The following RALGPS2 variants were observed in gnomAD, a reference collection of about 807,000 sequenced individuals.
RALGPS2 encodes the protein Ral GEF with PH domain and SH3 binding motif 2.
RALGPS2 carries 43 observed loss-of-function variants against 86.8 expected under a neutral mutation model. That is an observed-to-expected ratio of 0.50 (90% CI 0.39 to 0.64). RALGPS2 has a LOEUF of 0.64. Ranked by LOEUF, RALGPS2 falls within the 30% of genes least tolerant of loss-of-function variation. The probability of loss-of-function intolerance (pLI) is 0.00; values close to 1 mark genes in which losing one functional copy is unlikely to be tolerated. For synonymous variants in RALGPS2, 243 were observed against 231.3 expected, an observed-to-expected ratio of 1.05 and a Z score of -0.46; for missense variants, 536 against 694.6, an observed-to-expected ratio of 0.77 and a Z score of 2.57.
chr1:178,796,750 T>C (rs1654210197), intron 4 of RALGPS2, among the ~76,000 whole-genome samples: 2 of 152,166 alleles, frequency 1.3e-5, no homozygotes, highest in African/African-American at 4.8e-5. Flanking sequence ...CTTCTGTGAA[T>C]TCAGTAATTC....
intron 1 of RALGPS2, chr1:178,746,645 C>A: frequency 3.9e-6 from 3 of 763,742 alleles, no homozygotes; most frequent in Non-Finnish European, 7.3e-6. Context: ...TCAATGGTTC[C>A]AAATTTATAG....
intron 18 of RALGPS2, among the ~76,000 whole-genome samples, chr1:178,906,103 G>GCA (rs1398085502): frequency 6.6e-6 from 1 of 152,028 alleles, no homozygotes; most frequent in African/African-American, 2.4e-5. Context: ...CCAGGTGTGG[G>GCA]GGCTCATGCC....
At chr1:178,810,073 C>T (rs1654904012) in intron 5 of RALGPS2, among the ~76,000 whole-genome samples, 1 of 151,382 alleles carries the variant, frequency 6.6e-6, no homozygotes, top group African/African-American at 2.4e-5. Flanking sequence ...ATACTAAGAC[C>T]TTGTCTTAAA....
intron 1 of RALGPS2, among the ~76,000 whole-genome samples, chr1:178,751,626 CTG>C (rs1651662406): frequency 6.6e-6 from 1 of 152,158 alleles, no homozygotes; most frequent in African/African-American, 2.4e-5. Flanking sequence ...GTTTCAATCT[CTG>C]TAACACCTCA....
intron 4 of RALGPS2, among the ~76,000 whole-genome samples, chr1:178,795,286 A>C (rs1654137160): frequency 1.3e-5 from 2 of 152,330 alleles, no homozygotes; most frequent in South Asian, 4.1e-4. Context: ...TTAAATTCAA[A>C]AAATAATAAG....
At chr1:178,844,592 TC>T (rs1656777449) in intron 8 of RALGPS2, among the ~76,000 whole-genome samples, 1 of 152,168 alleles carries the variant, frequency 6.6e-6, no homozygotes, top group African/African-American at 2.4e-5. Flanking sequence ...ATATAATTTG[TC>T]TAGAGAGGAA....
At chr1:178,812,981 G>A (rs1655057612) in intron 6 of RALGPS2, among the ~76,000 whole-genome samples, 1 of 146,512 alleles carries the variant, frequency 6.8e-6, no homozygotes, top group African/African-American at 2.6e-5. Flanking sequence ...GGCCCAGGCT[G>A]GAGTGCAGTG....
chr1:178,806,410 T>C (rs1482443821), intron 4 of RALGPS2, among the ~76,000 whole-genome samples: 1 of 152,182 alleles, frequency 6.6e-6, no homozygotes, highest in Non-Finnish European at 1.5e-5. Context: ...GTGCTGTTTT[T>C]TGTTGTTGTT....
At chr1:178,823,621 T>A (rs1032346348) in intron 7 of RALGPS2, among the ~76,000 whole-genome samples, 1 of 152,156 alleles carries the variant, frequency 6.6e-6, no homozygotes, top group African/African-American at 2.4e-5. Flanking sequence ...AAGGCCCAGA[T>A]ACATTCAAAT....
At chr1:178,836,886 C>T (rs1230096157) in intron 8 of RALGPS2, among the ~76,000 whole-genome samples, 3 of 152,130 alleles carry the variant, frequency 2.0e-5, no homozygotes, top group African/African-American at 2.4e-5. Context: ...TCAAGCGATC[C>T]TCCCACCTTA....
intron 8 of RALGPS2, 42 bp downstream of exon 8, chr1:178,833,592 T>C (rs778994709): frequency 1.3e-6 from 2 of 1,508,948 alleles, no homozygotes; most frequent in Non-Finnish European, 8.8e-7. Flanking sequence ...TAGTTGTTAC[T>C]CTTCCTTACT....
intron 8 of RALGPS2, among the ~76,000 whole-genome samples, chr1:178,838,250 G>C (rs1472887396): frequency 1.3e-5 from 2 of 152,226 alleles, no homozygotes; most frequent in Non-Finnish European, 2.9e-5. Context: ...TGACCCCCAA[G>C]TAGCCTAACT....
intron 8 of RALGPS2, among the ~76,000 whole-genome samples, chr1:178,840,883 TA>T (rs1484464980): frequency 6.6e-6 from 1 of 152,110 alleles, no homozygotes; most frequent in Non-Finnish European, 1.5e-5. Context: ...TCTCTGCACA[TA>T]AACTAGAAAA....
intron 10 of RALGPS2, among the ~76,000 whole-genome samples, chr1:178,880,647 T>C (rs772022231): frequency 2.6e-5 from 4 of 152,184 alleles, no homozygotes; most frequent in Non-Finnish European, 5.9e-5. Flanking sequence ...CAGTGAGATG[T>C]AGAACAGATA....
intron 14 of RALGPS2, 72 bp from the exon 15 acceptor site, chr1:178,892,158 T>C: frequency 3.1e-6 from 4 of 1,293,846 alleles, no homozygotes; most frequent in South Asian, 2.4e-5. Flanking sequence ...TATTATACTG[T>C]TCTAGGTATT....
intron 4 of RALGPS2, among the ~76,000 whole-genome samples, chr1:178,797,846 TCTCCTA>T (rs1654269878): frequency 1.3e-5 from 2 of 152,050 alleles, no homozygotes; most frequent in Admixed American, 6.6e-5. Flanking sequence ...GCATTACTCC[TCTCCTA>T]CTCCTCACCA....
intron 8 of RALGPS2, among the ~76,000 whole-genome samples, chr1:178,856,204 T>G (rs12121049): frequency 0.07 from 1,102 of 15,644 alleles, 18 homozygotes; most frequent in African/African-American, 0.09. Context: ...GAGAGAGAGA[T>G]ATATATATAT....
In RALGPS2 at chr1:178,920,019, T is replaced by G. The variant is rs1030464755; in HGVS notation, c.*3660T>G. The G allele has an allele frequency of 2.6e-5, 4 of 152,074 alleles. No individual in the cohort carries two copies. Among genetic ancestry groups the G allele is most frequent in the African/African-American group, 9.6e-5 (4 of 41,462 alleles). The allele number at this position is 152,074 out of a possible 1,614,324, so 9.4% of individuals were successfully genotyped here. On this transcript the variant is annotated 3_prime_UTR_variant, in exon 20 of 20. Transcript: ENST00000367635. ...GATGAGGTTGGTATGACTTCTTTAG[T>G]GACCTTTTAGGGTTTGCTTTTATTT...
In RALGPS2 at chr1:178,919,777, T is replaced by C. The variant is rs879075767; in HGVS notation, c.*3418T>C. 2 of 152,068 alleles carry C rather than the reference T, an allele frequency of 1.3e-5. No homozygotes were observed. Among genetic ancestry groups the C allele is most frequent in the South Asian group, 2.1e-4 (1 of 4,824 alleles). The allele number at this position is 152,068 out of a possible 1,614,324, so 9.4% of individuals were successfully genotyped here. A position where few individuals can be genotyped will look rare whatever the true frequency, so the allele number is the denominator to read the frequency against. On this transcript the variant is annotated 3_prime_UTR_variant, in exon 20 of 20. Transcript: ENST00000367635. ...TTCCTTCCTGTTTTTTTGAGGCACA[T>C]TCCTTTACAACCAGTGTTTAAACCA... is the stretch of plus-strand genomic sequence containing the variant.
Sources: gnomAD v4.1 joint callset for allele counts (sites outside exome capture counted in the v4.1 genomes callset) on GRCh38, gnomAD v4.1.1 for gene constraint, MANE v1.5 for transcripts, NCBI Gene and HGNC (gene_info 2026-07-23, HGNC 2026-07-21) for gene names.